Variants in ZNF383 observed in about 807,000 individuals in gnomAD.
ZNF383 encodes the protein zinc finger protein 383.
In ZNF383, 32 loss-of-function variants were observed where a neutral mutation model predicts 44.2. The ratio of observed to expected loss-of-function variants is 0.72; its 90% CI spans 0.55 to 0.97. The LOEUF is 0.97. Among genes scored for constraint, ZNF383 ranks in the 50% least tolerant of loss-of-function variants. The pLI is 0.00. For synonymous variants in ZNF383, 155 were observed against 186.2 expected (o/e 0.83, Z 1.36); for missense variants, 487 against 562.5 (o/e 0.87, Z 1.36).
chr19:37,220,990 G>A (rs956156906), intron 1 of ZNF383, among the ~76,000 whole-genome samples: 1 of 152,082 alleles, frequency 6.6e-6, no homozygotes, highest in Non-Finnish European at 1.5e-5. Context: ...TCAGACGTTG[G>A]TTATTTCCTG....
chr19:37,239,796 T>C (rs1475685596), intron 5 of ZNF383, among the ~76,000 whole-genome samples: 1 of 152,138 alleles, frequency 6.6e-6, no homozygotes, highest in Non-Finnish European at 1.5e-5. Flanking sequence ...GTTTGGAAGA[T>C]GACATTGGCA....
intron 3 of ZNF383, among the ~76,000 whole-genome samples, chr19:37,234,227 A>C (rs1973654670): frequency 6.6e-6 from 1 of 152,158 alleles, no homozygotes; most frequent in South Asian, 2.1e-4. Context: ...AATACAAATG[A>C]AACATCTAAA....
intron 2 of ZNF383, among the ~76,000 whole-genome samples, chr19:37,229,014 AT>A (rs1287240291): frequency 2.0e-5 from 3 of 152,058 alleles, no homozygotes; most frequent in Admixed American, 6.6e-5. Context: ...TGGCAGAAGT[AT>A]TCTGTTTATT....
At chr19:37,226,412 A>G (rs928814496) in intron 2 of ZNF383, 1 of 152,188 alleles carries the variant, frequency 6.6e-6, no homozygotes, top group Non-Finnish European at 1.5e-5. Flanking sequence ...AGGGGTTTGG[A>G]CAAATGTGTA....
chr19:37,229,971 C>T (rs1470283991), intron 2 of ZNF383, among the ~76,000 whole-genome samples: 3 of 151,544 alleles, frequency 2.0e-5, no homozygotes, highest in African/African-American at 7.3e-5. Context: ...TCTTTCTGAT[C>T]TGAGTGCACT....
chr19:37,245,865 C>T lies in ZNF383; in HGVS notation c.*2201C>T, dbSNP rs1216672590. 6.6e-6 allele frequency: 1 copy of T among 152,136 alleles called. No individual in the cohort carries two copies. Among genetic ancestry groups the T allele is most frequent in the Non-Finnish European group, 1.5e-5 (1 of 68,092 alleles). 9.4% of individuals were successfully genotyped at this position (152,136 alleles called of 1,614,324 possible). A position where few individuals can be genotyped will look rare whatever the true frequency, so the allele number is the denominator to read the frequency against. ...AGGCTGGAGGGCAGTGGTGCAATCT[C>T]GGCTCACTGCAACCTCTGCCTCCCG... is the stretch of plus-strand genomic sequence containing the variant. On this transcript the variant is annotated 3_prime_UTR_variant, in exon 6 of 6. Coordinates refer to ENST00000684119, the MANE Select transcript of ZNF383 (RefSeq NM_001387601.1).
In ZNF383 at chr19:37,236,038, A is replaced by G. The variant is rs781461790; in HGVS notation, c.196A>G (p.Met66Val). The G allele has an allele frequency of 2.0e-5, 33 of 1,613,452 alleles. No individual in the cohort carries two copies. In the Admixed American group the frequency reaches 5.2e-4, roughly 25 times the overall value. The change falls in exon 5 of 6, where the codon ATG (methionine) becomes GTG (valine). Residue 66 changes from methionine to valine, a missense_variant. Met to Val is a conservative substitution (Grantham distance 21). Transcript: ENST00000684119. ...ATTGGAACAAGGGAAAGAGCCCTGG[A>G]TGGTTGGCAGAGAGCTTACAAGAGG... ...SLLEQGKEPW[M>V]VGRELTRGLC...
chr19:37,221,997 G>GATCTC (rs1196463232), intron 1 of ZNF383, among the ~76,000 whole-genome samples: 1 of 149,074 alleles, frequency 6.7e-6, no homozygotes, highest in Non-Finnish European at 1.5e-5. Flanking sequence ...CCTTTGACCA[G>GATCTC]ATCTCAAATC....
intron 3 of ZNF383, among the ~76,000 whole-genome samples, chr19:37,231,905 T>G (rs1973504832): frequency 6.6e-6 from 1 of 152,228 alleles, no homozygotes; most frequent in Non-Finnish European, 1.5e-5. Context: ...CTGAGAAATC[T>G]TTCTCTGCTT....
At chr19:37,228,860 GT>G (rs1357053722) in intron 2 of ZNF383, among the ~76,000 whole-genome samples, 2 of 151,932 alleles carry the variant, frequency 1.3e-5, no homozygotes, top group Non-Finnish European at 1.5e-5. Context: ...ATTATTGTAT[GT>G]AAAAAAAAAT....
At chr19:37,221,290 A>G (rs1347866270) in intron 1 of ZNF383, among the ~76,000 whole-genome samples, 4 of 152,180 alleles carry the variant, frequency 2.6e-5, no homozygotes, top group Non-Finnish European at 5.9e-5. Context: ...AAAGTATAAC[A>G]TACATTCTGG....
chr19:37,235,426 A>G (rs1373061859), intron 3 of ZNF383, 123 bp from the exon 4 acceptor site: 6 of 941,318 alleles, frequency 6.4e-6, no homozygotes, highest in Non-Finnish European at 9.6e-6. Context: ...CTGAAATCTA[A>G]AGATACAGGT....
In ZNF383 at chr19:37,243,752, CTT is replaced by C. The variant is rs1974257532; in HGVS notation, c.*90_*91del. On this transcript the variant is annotated 3_prime_UTR_variant, in exon 6 of 6. Coordinates refer to ENST00000684119, the MANE Select transcript of ZNF383 (RefSeq NM_001387601.1). ...CCCTCTTCCGTAGTTTTTTTTAAAACTTTGTATTTAAATTTTGTATCCAAATG... is the reference window on the plus strand; with the variant it reads ...CCCTCTTCCGTAGTTTTTTTTAAAACTGTATTTAAATTTTGTATCCAAATG... 1 of 914,486 alleles carries C rather than the reference CTT, an allele frequency of 1.1e-6. No individual in the cohort carries two copies. Among genetic ancestry groups the C allele is most frequent in the African/African-American group, 1.7e-5 (1 of 59,886 alleles). The allele number at this position is 914,486 out of a possible 1,614,324, so 56.6% of individuals were successfully genotyped here.
intron 5 of ZNF383, among the ~76,000 whole-genome samples, chr19:37,237,644 G>A (rs1973883545): frequency 6.6e-6 from 1 of 152,118 alleles, no homozygotes. Context: ...ATAAAGAACA[G>A]ACATTTATTT....
intron 4 of ZNF383, 42 bp from the exon 5 acceptor site, chr19:37,235,937 A>AC (rs1973768961): frequency 2.6e-6 from 4 of 1,538,496 alleles, no homozygotes; most frequent in Admixed American, 1.8e-5. Context: ...GATCTCCTTT[A>AC]CCCCCAGCAT....
chr19:37,223,517 G>A (rs1007193794), intron 1 of ZNF383, among the ~76,000 whole-genome samples: 12 of 151,814 alleles, frequency 7.9e-5, no homozygotes, highest in Admixed American at 5.9e-4. Flanking sequence ...GGGCAATATA[G>A]CAAGACCCCA....
chr19:37,236,640 G>C (rs1245117601), intron 5 of ZNF383, among the ~76,000 whole-genome samples: 1 of 151,502 alleles, frequency 6.6e-6, no homozygotes, highest in African/African-American at 2.4e-5. Flanking sequence ...TGCGATCTTG[G>C]TTCACTGCAA....
chr19:37,242,433 G>T (rs200728904), intron 5 of ZNF383, 36 bp from the exon 6 acceptor site: 1 of 1,400,754 alleles, frequency 7.1e-7, no homozygotes, highest in Non-Finnish European at 9.8e-7. Context: ...TTCACAAATA[G>T]GAAAAAAGAA....
intron 5 of ZNF383, among the ~76,000 whole-genome samples, 166 bp downstream of exon 5, chr19:37,236,240 G>A (rs1352067321): frequency 1.3e-5 from 2 of 151,308 alleles, no homozygotes; most frequent in African/African-American, 2.4e-5. Flanking sequence ...AACCTGTTTC[G>A]CCCTTTTCCT....
Sources: gnomAD v4.1 joint callset for allele counts (sites outside exome capture counted in the v4.1 genomes callset) on GRCh38, gnomAD v4.1.1 for gene constraint, MANE v1.5 for transcripts, NCBI Gene and HGNC (gene_info 2026-07-23, HGNC 2026-07-21) for gene names.